Variants in SESTD1 observed in about 807,000 individuals in gnomAD.
SESTD1 encodes the protein SEC14 domain and spectrin repeat-containing protein 1.
In SESTD1, 43 loss-of-function variants were observed where a neutral mutation model predicts 101.7. That is an observed-to-expected ratio of 0.42 (90% CI 0.33 to 0.55). The LOEUF (loss-of-function observed/expected upper bound fraction) is 0.55, where lower values mean the gene tolerates loss of function less well. Among genes scored for constraint, SESTD1 ranks in the 20% least tolerant of loss-of-function variants. The pLI is 0.07. For synonymous variants in SESTD1, 283 were observed against 286.8 expected (o/e 0.99, Z 0.13); for missense variants, 647 against 815.1 (o/e 0.79, Z 2.51).
At chr2:179,121,729 G>A in intron 13 of SESTD1, 41 bp downstream of exon 13, 5 of 1,479,380 alleles carry the variant, frequency 3.4e-6, no homozygotes, top group Non-Finnish European at 4.5e-6. Context: ...AACTAATATT[G>A]TTATTATTTT....
Position 179,151,314 on chromosome 2 carries a change from G to T in SESTD1, c.447C>A (p.Leu149=). 6.2e-7 allele frequency: 1 copy of T among 1,608,512 alleles called. No homozygotes were observed. The highest frequency in any genetic ancestry group is 8.5e-7 in the Non-Finnish European group (1 of 1,177,650). ...CQLTEDFGGS[L]TYDHMDWLNK... ...TTAACCAGTCCATGTGATCATAGGT[G>T]AGACTCCCACCAAAATCTTCTGTTA... The change falls in exon 6 of 18, where the codon CTC becomes CTA. Residue 149 remains leucine, a synonymous_variant. Coordinates refer to ENST00000428443, the MANE Select transcript of SESTD1 (RefSeq NM_178123.5).
intron 2 of SESTD1, among the ~76,000 whole-genome samples, chr2:179,183,543 A>G (rs1022916607): frequency 9.2e-5 from 14 of 152,222 alleles, no homozygotes; most frequent in South Asian, 2.1e-4. Flanking sequence ...CAATCAACCT[A>G]GGAAGAAAAT....
At chr2:179,134,461 C>A (rs1038916580) in intron 9 of SESTD1, among the ~76,000 whole-genome samples, 1 of 152,186 alleles carries the variant, frequency 6.6e-6, no homozygotes, top group African/African-American at 2.4e-5. Context: ...TTATTAAGAG[C>A]TAAGTAACGT....
chr2:179,133,668 T>A (rs1191517727), intron 9 of SESTD1, among the ~76,000 whole-genome samples: 1 of 152,082 alleles, frequency 6.6e-6, no homozygotes, highest in Admixed American at 6.6e-5. Context: ...CTCTGCAGCA[T>A]AATATTATAG....
Position 179,124,502 on chromosome 2 carries a change from AGCATTCAAGAGTGCT to A in SESTD1, c.1014_1028del (p.Ala339_Ala343del). 6.2e-7 allele frequency: 1 copy of A among 1,614,120 alleles called. No individual in the cohort carries two copies. The highest frequency in any genetic ancestry group is 8.5e-7 in the Non-Finnish European group (1 of 1,179,994). ...GTTCCACAAGATCTTCCTCATCGCC[AGCATTCAAGAGTGCT>A]GCAATTTGCTGATTAAGTTCCACAT... is the stretch of plus-strand genomic sequence containing the variant. On this transcript the variant is annotated inframe_deletion, in exon 11 of 18. Coordinates refer to ENST00000428443, the MANE Select transcript of SESTD1 (RefSeq NM_178123.5).
chr2:179,115,044 A>G lies in SESTD1; in HGVS notation c.1839+21T>C, dbSNP rs747432931. On this transcript the variant is annotated intron_variant, in intron 16 of 17. Coordinates refer to ENST00000428443, the MANE Select transcript of SESTD1 (RefSeq NM_178123.5). ...TATAATCAATACCACTGAGAATAAC[A>G]TTTCAAAAACACAAGCAAACCTTTT... is the stretch of plus-strand genomic sequence containing the variant. 8.7e-6 allele frequency: 14 copies of G among 1,602,310 alleles called. No individual in the cohort carries two copies. The East Asian group carries it at 2.5e-4, about 28-fold the overall frequency.
At chr2:179,163,711 A>G (rs1327935634) in intron 5 of SESTD1, among the ~76,000 whole-genome samples, 1 of 152,122 alleles carries the variant, frequency 6.6e-6, no homozygotes, top group Non-Finnish European at 1.5e-5. Context: ...CATTTTATAC[A>G]TGCTAGAGAA....
chr2:179,250,528 T>C (rs1188644693), intron 1 of SESTD1, among the ~76,000 whole-genome samples: 1 of 152,172 alleles, frequency 6.6e-6, no homozygotes, highest in Non-Finnish European at 1.5e-5. Flanking sequence ...TTTGGTTTCT[T>C]CTGAGGCCTC....
At chr2:179,145,944 TAAATC>T (rs2045385077) in intron 8 of SESTD1, among the ~76,000 whole-genome samples, 1 of 151,152 alleles carries the variant, frequency 6.6e-6, no homozygotes, top group African/African-American at 2.5e-5. Context: ...GATAATAAAT[TAAATC>T]CAAATTAAGA....
intron 11 of SESTD1, 59 bp downstream of exon 11, chr2:179,124,305 C>T (rs1481035370): frequency 3.4e-6 from 5 of 1,483,560 alleles, no homozygotes; most frequent in Non-Finnish European, 3.6e-6. Flanking sequence ...AAAAAAATTA[C>T]GTGTAGGTAA....
intron 2 of SESTD1, among the ~76,000 whole-genome samples, chr2:179,184,127 C>T (rs981432587): frequency 2.0e-5 from 3 of 152,056 alleles, no homozygotes; most frequent in East Asian, 1.9e-4. Context: ...ATTCCATGTA[C>T]GTTCAAGTCC....
intron 1 of SESTD1, among the ~76,000 whole-genome samples, chr2:179,226,215 T>C (rs2046883238): frequency 6.6e-6 from 1 of 152,252 alleles, no homozygotes; most frequent in Non-Finnish European, 1.5e-5. Flanking sequence ...TCTTAAAATA[T>C]TCTCATATTC....
At chr2:179,260,703 C>T (rs1438297240) in intron 1 of SESTD1, among the ~76,000 whole-genome samples, 5 of 152,018 alleles carry the variant, frequency 3.3e-5, no homozygotes, top group Admixed American at 1.3e-4. Context: ...GCATGGATAG[C>T]AAACTTAAAT....
chr2:179,111,556 G>A (rs1042030564), intron 17 of SESTD1, among the ~76,000 whole-genome samples: 4 of 152,174 alleles, frequency 2.6e-5, no homozygotes, highest in African/African-American at 9.7e-5. Context: ...TGGCTCCAGA[G>A]TGCACAGACT....
chr2:179,199,544 C>A (rs1215631612), intron 1 of SESTD1, among the ~76,000 whole-genome samples: 1 of 152,084 alleles, frequency 6.6e-6, no homozygotes. Context: ...AACATTGATG[C>A]AAAAATCCTC....
chr2:179,245,321 G>C (rs1278726459), intron 1 of SESTD1, among the ~76,000 whole-genome samples: 1 of 152,038 alleles, frequency 6.6e-6, no homozygotes, highest in African/African-American at 2.4e-5. Context: ...TCCGAGACCA[G>C]CCTGGCCAAT....
chr2:179,224,507 G>A (rs2046856193), intron 1 of SESTD1, among the ~76,000 whole-genome samples: 1 of 152,194 alleles, frequency 6.6e-6, no homozygotes, highest in Admixed American at 6.5e-5. Flanking sequence ...TCTCTAAAGT[G>A]CTAAGTGTCT....
intron 15 of SESTD1, chr2:179,116,436 A>G: frequency 1.7e-6 from 1 of 577,426 alleles, no homozygotes; most frequent in South Asian, 2.0e-5. Context: ...ATGCCGTAAT[A>G]CATAGCATAA....
At chr2:179,135,823 T>A (rs902742752) in intron 9 of SESTD1, among the ~76,000 whole-genome samples, 31 of 152,320 alleles carry the variant, frequency 2.0e-4, no homozygotes, top group African/African-American at 7.5e-4. Context: ...TATTGTTGAC[T>A]CAGTGGAACA....
Sources: gnomAD v4.1 joint callset for allele counts (sites outside exome capture counted in the v4.1 genomes callset) on GRCh38, gnomAD v4.1.1 for gene constraint, MANE v1.5 for transcripts, NCBI Gene and HGNC (gene_info 2026-07-23, HGNC 2026-07-21) for gene names.